The following ERFL variants were observed in gnomAD, a reference collection of about 807,000 sequenced individuals.
ERFL encodes the protein ETS repressor factor like, also known as ETS domain-containing transcription factor ERF-like.
Under a neutral mutation model 27.9 loss-of-function variants are expected in ERFL, and 8 were observed. The ratio of observed to expected loss-of-function variants is 0.29; its 90% CI spans 0.17 to 0.52. ERFL has a LOEUF of 0.52. Among genes scored for constraint, ERFL ranks in the 20% least tolerant of loss-of-function variants. The pLI, the probability that ERFL is intolerant of heterozygous loss-of-function variation, is 0.97. For synonymous variants in ERFL, 174 were observed against 202.8 expected (o/e 0.86, Z 1.21); for missense variants, 294 against 444.4 (o/e 0.66, Z 3.04).
intron 1 of ERFL, among the ~76,000 whole-genome samples, chr19:41,915,407 T>TGTCCGTCC (rs1472318876): frequency 2.0e-5 from 3 of 151,752 alleles, no homozygotes; most frequent in Non-Finnish European, 2.9e-5. Flanking sequence ...CCCGTCCGTC[T>TGTCCGTCC]GTCCGTCCCT....
chr19:41,914,648 TTTCCACCATCTCTGTCTCTCCCTCCCC>T (rs1568831959), intron 1 of ERFL, among the ~76,000 whole-genome samples: 4 of 3,476 alleles, frequency 1.2e-3, no homozygotes, highest in Admixed American at 3.6e-3. Context: ...TCTCCCTCCC[TTTCCACCATCTCTGTCTCTCCCTCCCC>T]TTCCACCATC....
chr19:41,910,131 A>G lies in ERFL; in HGVS notation c.68-34T>C. 1 of 1,587,290 alleles carries G rather than the reference A, an allele frequency of 6.3e-7. No homozygotes were observed. The highest frequency in any genetic ancestry group is 8.6e-7 in the Non-Finnish European group (1 of 1,166,380). ...GGGAGGCAGGGAGTGGCCTGGGGTC[A>G]GGATGCCAAGTCCAGGGCTCTGGGT... On this transcript the variant is annotated intron_variant, in intron 2 of 5. Coordinates refer to ENST00000597630, the MANE Select transcript of ERFL (RefSeq NM_001365103.2). The surrounding 1 kb of genome is among the most constrained non-coding windows in gnomAD (Gnocchi z 4.4).
rs565171453 is a variant in ERFL, at chr19:41,912,066, C to T, written c.67+787G>A. Among the ~76,000 whole-genome samples, 7 of 152,244 alleles carry T rather than the reference C, an allele frequency of 4.6e-5. No individual in the cohort carries two copies. The East Asian group carries it at 1.4e-3, about 29-fold the overall frequency. On this transcript the variant is annotated intron_variant, in intron 2 of 5. Transcript: ENST00000597630. ...AGAAACAGGCAAAGGCTCCTCACCCCACTCAGGCAGAGGCACAGTCGGAGA... is the reference window on the plus strand; with the variant it reads ...AGAAACAGGCAAAGGCTCCTCACCCTACTCAGGCAGAGGCACAGTCGGAGA...
chr19:41,908,997 T>G lies in ERFL; in HGVS notation c.616+63A>C, dbSNP rs891172. The G allele has an allele frequency of 0.053, 53,805 of 1,019,350 alleles. 12,314 individuals are homozygous for G. In the African/African-American group the frequency reaches 0.61, roughly 12 times the overall value. The allele number at this position is 1,019,350 out of a possible 1,614,324, so 63.1% of individuals were successfully genotyped here. A position where few individuals can be genotyped will look rare whatever the true frequency, so the allele number is the denominator to read the frequency against. ...TCTTCTCTTGTCTTTTCTCATCCTC[T>G]TCCCTCAAGCCTGCAGCTTCTCCCA... On this transcript the variant is annotated intron_variant, in intron 5 of 5. Coordinates refer to ENST00000597630, the MANE Select transcript of ERFL (RefSeq NM_001365103.2). The surrounding 1 kb of genome is among the most constrained non-coding windows in gnomAD (Gnocchi z 6.7).
Position 41,909,244 on chromosome 19 carries a change from C to T in ERFL, c.498+32G>A, listed in dbSNP as rs2074738877. 8.1e-7 allele frequency: 1 copy of T among 1,232,056 alleles called. No homozygotes were observed. Among genetic ancestry groups the T allele is most frequent in the South Asian group, 4.1e-5 (1 of 24,336 alleles). The allele number at this position is 1,232,056 out of a possible 1,614,324, so 76.3% of individuals were successfully genotyped here. On this transcript the variant is annotated intron_variant, in intron 4 of 5. Transcript: ENST00000597630. This position sits in a 1 kb window ranked among gnomAD's most constrained non-coding sequence, Gnocchi z 5.2. ...CCTCCCCAGAGTGGGCACCAAGTGC[C>T]TCGGTTCCAGGACCCCAGTACCCAG...
Position 41,912,878 on chromosome 19 carries a change from G to A in ERFL, c.42C>T (p.Pro14=), listed in dbSNP as rs1394493471. 4 of 1,231,084 alleles carry A rather than the reference G, an allele frequency of 3.2e-6. No homozygotes were observed. The highest frequency in any genetic ancestry group is 4.1e-5 in the South Asian group (1 of 24,328). 76.3% of individuals were successfully genotyped at this position (1,231,084 alleles called of 1,614,324 possible). A position where few individuals can be genotyped will look rare whatever the true frequency, so the allele number is the denominator to read the frequency against. The change falls in exon 2 of 6, where the codon CCC becomes CCT. Residue 14 remains proline (P), a synonymous_variant. Transcript: ENST00000597630. ...CGGGGGTCCAGAGAGCCGGCAGGGC[G>A]GGCGGGGCGAAGAGAAGGTCGGAGA... ...SCVSDLLFAP[P]ALPALWTPGF... is the part of the protein sequence containing the mutation.
intron 2 of ERFL, among the ~76,000 whole-genome samples, chr19:41,912,071 A>G (rs1555851312): frequency 1.3e-5 from 2 of 151,938 alleles, no homozygotes; most frequent in Non-Finnish European, 2.9e-5. Context: ...CACCCCACTC[A>G]GGCAGAGGCA....
intron 1 of ERFL, among the ~76,000 whole-genome samples, chr19:41,915,056 C>A (rs1387330172): frequency 9.1e-6 from 1 of 109,524 alleles, no homozygotes; most frequent in Non-Finnish European, 1.9e-5. Flanking sequence ...CCCGCTCCCC[C>A]ACACCTCTCC....
intron 1 of ERFL, among the ~76,000 whole-genome samples, chr19:41,915,375 C>A (rs917128622): frequency 1.3e-5 from 2 of 151,588 alleles, no homozygotes; most frequent in Non-Finnish European, 2.9e-5. Flanking sequence ...TCGCCCTTGC[C>A]CATCGCCTCT....
chr19:41,924,014 A>C (rs1555853034), intron 1 of ERFL, among the ~76,000 whole-genome samples: 1 of 11,974 alleles, frequency 8.4e-5, no homozygotes, highest in Non-Finnish European at 1.5e-4. Flanking sequence ...GTGTCTGGGG[A>C]GGTGGGGGTG....
chr19:41,919,120 ACAT>A (rs2074822294), intron 1 of ERFL, among the ~76,000 whole-genome samples: 1 of 151,404 alleles, frequency 6.6e-6, no homozygotes, highest in South Asian at 2.1e-4. Flanking sequence ...CATACCACAC[ACAT>A]CACCCACATA....
chr19:41,907,727 C>G lies in ERFL; in HGVS notation c.*501G>C. On this transcript the variant is annotated 3_prime_UTR_variant, in exon 6 of 6. Coordinates refer to ENST00000597630, the MANE Select transcript of ERFL (RefSeq NM_001365103.2). ...AGTCTCACTCTCTGTTCTTTTATTTCTGTAGTAAACTCTCTGGAGGTGACT... is the reference window on the plus strand; with the variant it reads ...AGTCTCACTCTCTGTTCTTTTATTTGTGTAGTAAACTCTCTGGAGGTGACT... The G allele has an allele frequency of 4.1e-6, 1 of 245,852 alleles. No homozygotes were observed. The allele number at this position is 245,852 out of a possible 1,614,324, so 15.2% of individuals were successfully genotyped here.
In ERFL at chr19:41,917,861, C is replaced by A. The variant is rs116907767; in HGVS notation, c.-13-4929G>T. On this transcript the variant is annotated intron_variant, in intron 1 of 5. Transcript: ENST00000597630. The surrounding 1 kb of genome is among the most constrained non-coding windows in gnomAD (Gnocchi z 4.8). ...CCAGCCCCACCCATCTGTTGCCACA[C>A]AAACGAGCCCCCAACACCCTGTCCC... Among the ~76,000 whole-genome samples, 207 of 152,134 alleles carry A rather than the reference C, an allele frequency of 1.4e-3. 1 individual carries two copies. In the East Asian group the frequency reaches 0.038, roughly 28 times the overall value.
rs777378333 is a variant in ERFL, at chr19:41,921,620, G to A, written c.-14+6420C>T. ...TGGAGGTCACGGGAGAGCGAGGGCC[G>A]CACCGGAGACCCTGGGTTGGGAGGA... On this transcript the variant is annotated intron_variant, in intron 1 of 5. Transcript: ENST00000597630. The surrounding 1 kb of genome is among the most constrained non-coding windows in gnomAD (Gnocchi z 4.4). 1.8e-4 allele frequency among the ~76,000 whole-genome samples: 28 copies of A among 152,082 alleles called. No individual in the cohort carries two copies. The highest frequency in any genetic ancestry group is 7.2e-4 in the Admixed American group (11 of 15,276).
Position 41,909,439 on chromosome 19 carries a change from G to A in ERFL, c.335C>T (p.Thr112Ile), listed in dbSNP as rs2145880614. The A allele has an allele frequency of 2.4e-6, 3 of 1,238,674 alleles. No homozygotes were observed. Among genetic ancestry groups the A allele is most frequent in the Middle Eastern group, 2.1e-4 (1 of 4,854 alleles). 76.7% of individuals were successfully genotyped at this position (1,238,674 alleles called of 1,614,324 possible). The change falls in exon 4 of 6, where the codon ACC becomes ATC. Residue 112 changes from threonine to isoleucine, a missense_variant. Physicochemically the swap from Thr to Ile is moderately conservative, Grantham distance 89. This residue lies in a region of ERFL where 246 missense variants were observed against 371.4 expected (regional missense o/e 0.66). Coordinates refer to ENST00000597630, the MANE Select transcript of ERFL (RefSeq NM_001365103.2). The surrounding 1 kb of genome is among the most constrained non-coding windows in gnomAD (Gnocchi z 5.2). ...YYYNKRILHK[T>I]KGKRFTYKFN... ...CTTGTAGGTGAACCTCTTCCCTTTG[G>A]TCTTGTGGAGAATCCGCTTGTTGTA...
Position 41,909,513 on chromosome 19 carries a change from C to A in ERFL, c.303-42G>T. 1 of 1,247,082 alleles carries A rather than the reference C, an allele frequency of 8.0e-7. No homozygotes were observed. 77.3% of individuals were successfully genotyped at this position (1,247,082 alleles called of 1,614,324 possible). A position where few individuals can be genotyped will look rare whatever the true frequency, so the allele number is the denominator to read the frequency against. Reference sequence around the variant, plus strand: ...GGTGTTGGGGAGGTGCAGGGGGAGCCCTGGGGCGGGATCTGGGGTTTCTTA... The same window carrying A: ...GGTGTTGGGGAGGTGCAGGGGGAGCACTGGGGCGGGATCTGGGGTTTCTTA... On this transcript the variant is annotated intron_variant, in intron 3 of 5. Coordinates refer to ENST00000597630, the MANE Select transcript of ERFL (RefSeq NM_001365103.2). This position sits in a 1 kb window ranked among gnomAD's most constrained non-coding sequence, Gnocchi z 5.2.
Position 41,907,977 on chromosome 19 carries a change from G to C in ERFL, c.*251C>G. ...GGGCGCCATATTGCACTTTGGGAGT[G>C]GGGCCAGGCGGGGACCCCCCTCAAA... On this transcript the variant is annotated 3_prime_UTR_variant, in exon 6 of 6. Transcript: ENST00000597630. 2.6e-6 allele frequency: 1 copy of C among 390,982 alleles called. No homozygotes were observed. The highest frequency in any genetic ancestry group is 4.5e-6 in the Non-Finnish European group (1 of 222,264). 24.2% of individuals were successfully genotyped at this position (390,982 alleles called of 1,614,324 possible).
chr19:41,915,937 C>A (rs373523676), intron 1 of ERFL, among the ~76,000 whole-genome samples: 1 of 152,082 alleles, frequency 6.6e-6, no homozygotes, highest in Non-Finnish European at 1.5e-5. Flanking sequence ...CCCCCACCCC[C>A]CTCCCCCCCG....
chr19:41,914,563 A>G lies in ERFL; in HGVS notation c.-13-1631T>C, dbSNP rs868957595. ...ATCCGTCTTTCCCTCCCCTTCCACCATCTCTGTCTCCGTCTCTCCCTCCCT... is the reference window on the plus strand; with the variant it reads ...ATCCGTCTTTCCCTCCCCTTCCACCGTCTCTGTCTCCGTCTCTCCCTCCCT... On this transcript the variant is annotated intron_variant, in intron 1 of 5. Transcript: ENST00000597630. 3.5e-3 allele frequency among the ~76,000 whole-genome samples: 197 copies of G among 56,644 alleles called. 21 individuals are homozygous for G. The highest frequency in any genetic ancestry group is 0.012 in the African/African-American group (159 of 13,736). 37.2% of individuals were successfully genotyped at this position (56,644 alleles called of 152,430 possible). A position where few individuals can be genotyped will look rare whatever the true frequency, so the allele number is the denominator to read the frequency against.
Sources: gnomAD v4.1 joint callset for allele counts (sites outside exome capture counted in the v4.1 genomes callset) on GRCh38, gnomAD v4.1.1 for gene constraint, gnomAD v4.1.1 regional missense constraint, Gnocchi (gnomAD v3.1) non-coding constraint, MANE v1.5 for transcripts, NCBI Gene and HGNC (gene_info 2026-07-23, HGNC 2026-07-21) for gene names.